Variants in TMEM170B observed in about 807,000 individuals in gnomAD.
The protein encoded by TMEM170B is transmembrane protein 170B.
Under a neutral mutation model 13.0 loss-of-function variants are expected in TMEM170B, and 6 were observed. The observed-to-expected ratio is 0.46, with a 90% CI of 0.25 to 0.91. The LOEUF (loss-of-function observed/expected upper bound fraction) is 0.91, where lower values mean the gene tolerates loss of function less well. TMEM170B is among the 40% of genes least tolerant of loss of function. The probability of loss-of-function intolerance (pLI) is 0.17; values close to 1 mark genes in which losing one functional copy is unlikely to be tolerated. For missense variants in TMEM170B, 138 were observed against 165.2 expected (o/e 0.84, Z 0.90); for synonymous variants, 61 against 64.9 (o/e 0.94, Z 0.29).
intron 1 of TMEM170B, among the ~76,000 whole-genome samples, chr6:11,544,207 T>C (rs1759399731): frequency 6.6e-6 from 1 of 152,190 alleles, no homozygotes; most frequent in Admixed American, 6.5e-5. Context: ...ACATTCCTAA[T>C]CTGAAATTTT....
chr6:11,562,593 A>G (rs1759682056), intron 1 of TMEM170B, among the ~76,000 whole-genome samples: 1 of 152,044 alleles, frequency 6.6e-6, no homozygotes. Flanking sequence ...TTAAACTTTT[A>G]TTTTGAGATT....
At chr6:11,548,796 C>G (rs1008665963) in intron 1 of TMEM170B, among the ~76,000 whole-genome samples, 1 of 152,078 alleles carries the variant, frequency 6.6e-6, no homozygotes, top group Admixed American at 6.5e-5. Flanking sequence ...AGCTGGAAAC[C>G]ATCATTCTGA....
intron 1 of TMEM170B, among the ~76,000 whole-genome samples, chr6:11,541,849 T>G (rs574490854): frequency 6.6e-6 from 1 of 152,252 alleles, no homozygotes; most frequent in South Asian, 2.1e-4. Context: ...TTCAATATTG[T>G]TGTATCTCAG....
At chr6:11,569,352 A>G (rs1041317283) in intron 2 of TMEM170B, among the ~76,000 whole-genome samples, 9 of 152,150 alleles carry the variant, frequency 5.9e-5, no homozygotes, top group Non-Finnish European at 1.2e-4. Context: ...TAAAGATTTT[A>G]TTAAAGAAGT....
In TMEM170B at chr6:11,538,292, G is replaced by C; in HGVS notation, c.15G>C (p.Gly5=). The change falls in exon 1 of 3, where the codon GGG becomes GGC. Residue 5 remains glycine (G), a synonymous_variant. Coordinates refer to ENST00000379426, the MANE Select transcript of TMEM170B (RefSeq NM_001100829.3). The part of the protein sequence containing the change: MKAE[G]GDHSMINLSV... ...CCTCGGGGAAGATGAAGGCGGAGGG[G>C]GGCGACCACTCCATGATCAACCTGT... 1 of 1,433,640 alleles carries C rather than the reference G, an allele frequency of 7.0e-7. No individual in the cohort carries two copies. Among genetic ancestry groups the C allele is most frequent in the Non-Finnish European group, 9.1e-7 (1 of 1,094,388 alleles). 88.8% of individuals were successfully genotyped at this position (1,433,640 alleles called of 1,614,324 possible).
chr6:11,553,690 G>A (rs1759552370), intron 1 of TMEM170B, among the ~76,000 whole-genome samples: 1 of 152,032 alleles, frequency 6.6e-6, no homozygotes, highest in Non-Finnish European at 1.5e-5. Context: ...GTTTTACTAG[G>A]ATTTAAGAAA....
intron 1 of TMEM170B, among the ~76,000 whole-genome samples, chr6:11,547,966 A>G (rs956133367): frequency 1.8e-4 from 27 of 152,322 alleles, no homozygotes; most frequent in Middle Eastern, 3.4e-3. Flanking sequence ...CACAATTTCT[A>G]GGGATATGTT....
Position 11,551,235 on chromosome 6 carries a change from A to G in TMEM170B, c.97+12861A>G, listed in dbSNP as rs184121988. Among the ~76,000 whole-genome samples the G allele has an allele frequency of 9.6e-4, 146 of 152,318 alleles. 1 individual carries two copies. The highest frequency in any genetic ancestry group is 6.2e-4 in the Non-Finnish European group (42 of 68,030). ...AGAGATCACACACACATAGACACAA[A>G]CACACAGTAAGAGAAACCAAAACAG... On this transcript the variant is annotated intron_variant, in intron 1 of 2. Coordinates refer to ENST00000379426, the MANE Select transcript of TMEM170B (RefSeq NM_001100829.3).
At chr6:11,553,128 G>A (rs1029404735) in intron 1 of TMEM170B, among the ~76,000 whole-genome samples, 2 of 152,070 alleles carry the variant, frequency 1.3e-5, no homozygotes, top group East Asian at 1.9e-4. Flanking sequence ...TTCTAGGACC[G>A]CTGCATATAC....
At chr6:11,573,160 C>G (rs975059791) in intron 2 of TMEM170B, among the ~76,000 whole-genome samples, 13 of 151,952 alleles carry the variant, frequency 8.6e-5, no homozygotes, top group African/African-American at 2.9e-4. Context: ...GGGTTTTACC[C>G]TTTTTTTGTG....
Position 11,575,316 on chromosome 6 carries a change from G to T in TMEM170B, c.269-115G>T, listed in dbSNP as rs762095657. 11 of 1,392,186 alleles carry T rather than the reference G, an allele frequency of 7.9e-6. No homozygotes were observed. Among genetic ancestry groups the T allele is most frequent in the Non-Finnish European group, 1.1e-5 (11 of 1,023,904 alleles). 86.2% of individuals were successfully genotyped at this position (1,392,186 alleles called of 1,614,324 possible). On this transcript the variant is annotated intron_variant, in intron 2 of 2. Transcript: ENST00000379426. The surrounding 1 kb of genome is among the most constrained non-coding windows in gnomAD (Gnocchi z 4.1). ...TTTTCATAGAAAGTGGATAAAATGA[G>T]AAAAAAATGATGACTTATGTTTTGA... is the stretch of plus-strand genomic sequence containing the variant.
intron 1 of TMEM170B, among the ~76,000 whole-genome samples, chr6:11,554,756 C>T (rs913071765): frequency 2.6e-5 from 4 of 152,050 alleles, no homozygotes; most frequent in African/African-American, 9.7e-5. Flanking sequence ...TATGTTAAAG[C>T]AGCTCTTGAA....
rs1355542855 is a variant in TMEM170B at position 11,576,129 on chromosome 6, T to C, written c.*568T>C. ...GTTGCGCGTTTCTGGGATTTAGGGCTTCAATATGTTTAGGTATTATTGTTA... is the reference window on the plus strand; with the variant it reads ...GTTGCGCGTTTCTGGGATTTAGGGCCTCAATATGTTTAGGTATTATTGTTA... On this transcript the variant is annotated 3_prime_UTR_variant, in exon 3 of 3. Coordinates refer to ENST00000379426, the MANE Select transcript of TMEM170B (RefSeq NM_001100829.3). 1 of 152,112 alleles carries C rather than the reference T, an allele frequency of 6.6e-6. No individual in the cohort carries two copies. The highest frequency in any genetic ancestry group is 1.5e-5 in the Non-Finnish European group (1 of 68,204). The allele number at this position is 152,112 out of a possible 1,614,324, so 9.4% of individuals were successfully genotyped here. A position where few individuals can be genotyped will look rare whatever the true frequency, so the allele number is the denominator to read the frequency against.
chr6:11,583,191 A>G lies in TMEM170B; in HGVS notation c.*7630A>G, dbSNP rs926935112. 1 of 152,192 alleles carries G rather than the reference A, an allele frequency of 6.6e-6. No individual in the cohort carries two copies. The highest frequency in any genetic ancestry group is 2.4e-5 in the African/African-American group (1 of 41,456). 9.4% of individuals were successfully genotyped at this position (152,192 alleles called of 1,614,324 possible). A position where few individuals can be genotyped will look rare whatever the true frequency, so the allele number is the denominator to read the frequency against. ...TTCTTCAAAGGGCAGCAATAAACATATGCAAGTTATTTTTAATTATAGAAA... is the reference window on the plus strand; with the variant it reads ...TTCTTCAAAGGGCAGCAATAAACATGTGCAAGTTATTTTTAATTATAGAAA... On this transcript the variant is annotated 3_prime_UTR_variant, in exon 3 of 3. Transcript: ENST00000379426.
intron 1 of TMEM170B, among the ~76,000 whole-genome samples, chr6:11,550,292 C>T (rs1170084630): frequency 6.6e-6 from 1 of 151,952 alleles, no homozygotes; most frequent in Non-Finnish European, 1.5e-5. Flanking sequence ...CTTGCTTCCG[C>T]CCCCAAGTAG....
At position 11,577,739 on chromosome 6, in the gene TMEM170B, G is replaced by C. The variant is rs1013072668; in HGVS notation, c.*2178G>C. The C allele has an allele frequency of 6.6e-6, 1 of 151,978 alleles. No homozygotes were observed. The highest frequency in any genetic ancestry group is 1.5e-5 in the Non-Finnish European group (1 of 67,922). The allele number at this position is 151,978 out of a possible 1,614,324, so 9.4% of individuals were successfully genotyped here. A position where few individuals can be genotyped will look rare whatever the true frequency, so the allele number is the denominator to read the frequency against. On this transcript the variant is annotated 3_prime_UTR_variant, in exon 3 of 3. Transcript: ENST00000379426. ...CTCTAGAATGAAAGTATAATTGAAC[G>C]GTTAATAATTAGTTTGTAGAGTGTC...
chr6:11,574,217 T>C (rs1271500720), intron 2 of TMEM170B, among the ~76,000 whole-genome samples: 1 of 152,166 alleles, frequency 6.6e-6, no homozygotes, highest in Non-Finnish European at 1.5e-5. Context: ...AATATGATAA[T>C]ATTTGTAAAG....
At chr6:11,543,750 C>T (rs1239016504) in intron 1 of TMEM170B, among the ~76,000 whole-genome samples, 1 of 152,114 alleles carries the variant, frequency 6.6e-6, no homozygotes, top group Non-Finnish European at 1.5e-5. Context: ...GCTTAATAGG[C>T]ATTCTGATTA....
At chr6:11,541,110 A>G (rs1369076096) in intron 1 of TMEM170B, among the ~76,000 whole-genome samples, 1 of 152,094 alleles carries the variant, frequency 6.6e-6, no homozygotes, top group Non-Finnish European at 1.5e-5. Context: ...CATAATTCTC[A>G]AGGGCGCCAG....
Sources: allele counts gnomAD v4.1 joint callset (sites outside exome capture counted in the v4.1 genomes callset), GRCh38; gene constraint gnomAD v4.1.1; non-coding constraint Gnocchi (gnomAD v3.1); transcripts MANE v1.5; gene names NCBI Gene and HGNC (gene_info 2026-07-23, HGNC 2026-07-21).